The following ROBO2 variants were observed in gnomAD, a reference collection of about 807,000 sequenced individuals.
ROBO2 encodes roundabout guidance receptor 2, also known as roundabout homolog 2.
In ROBO2, 53 loss-of-function variants were observed where a neutral mutation model predicts 160.8. That is an observed-to-expected ratio of 0.33 (90% CI 0.26 to 0.41). The LOEUF is 0.41. Among genes scored for constraint, ROBO2 ranks in the 10% least tolerant of loss-of-function variants. The probability of loss-of-function intolerance (pLI) is 1.00; values close to 1 mark genes in which losing one functional copy is unlikely to be tolerated. For missense variants in ROBO2, 1,577 were observed against 1,722.4 expected (o/e 0.92, Z 1.49); for synonymous variants, 664 against 611.7 (o/e 1.09, Z -1.26).
At chr3:76,805,687 TGTGTG>T in intron 2 of ROBO2, among the ~76,000 whole-genome samples, 1 of 151,796 alleles carries the variant, frequency 6.6e-6, no homozygotes, top group Non-Finnish European at 1.5e-5. Context: ...TGTGTGTGTG[TGTGTG>T]TGTGTGAATT....
At chr3:76,606,449 A>G (rs529635563) in intron 2 of ROBO2, among the ~76,000 whole-genome samples, 2 of 152,348 alleles carry the variant, frequency 1.3e-5, no homozygotes, top group South Asian at 4.1e-4. Context: ...GCCCTGTGGA[A>G]TAGAAATAGA....
intron 2 of ROBO2, among the ~76,000 whole-genome samples, chr3:76,277,892 C>A (rs2107657885): frequency 6.6e-6 from 1 of 150,978 alleles, no homozygotes; most frequent in Non-Finnish European, 1.5e-5. Context: ...AAGTCCAAGA[C>A]ATTTTTGTTT....
At chr3:77,008,193 GA>G (rs1225138245) in intron 2 of ROBO2, among the ~76,000 whole-genome samples, 2 of 151,930 alleles carry the variant, frequency 1.3e-5, no homozygotes, top group African/African-American at 2.4e-5. Context: ...TCGGTTTCTT[GA>G]ACTTGAAATT....
chr3:77,020,239 A>T (rs1454725280), intron 2 of ROBO2, among the ~76,000 whole-genome samples: 1 of 152,212 alleles, frequency 6.6e-6, no homozygotes, highest in African/African-American at 2.4e-5. Context: ...AAATGTAAAA[A>T]TAAAGCCACA....
chr3:77,025,036 G>C (rs532274026), intron 2 of ROBO2, among the ~76,000 whole-genome samples: 1 of 151,930 alleles, frequency 6.6e-6, no homozygotes, highest in African/African-American at 2.4e-5. Context: ...TTAATTTAGT[G>C]TGCTTTCTTA....
intron 2 of ROBO2, among the ~76,000 whole-genome samples, chr3:75,947,371 C>A (rs578075270): frequency 2.0e-5 from 3 of 152,004 alleles, no homozygotes; most frequent in African/African-American, 7.2e-5. Flanking sequence ...TATTACAGCC[C>A]ATGAGCCAGA....
At chr3:77,102,849 CAAAAA>C (rs35802711) in intron 2 of ROBO2, among the ~76,000 whole-genome samples, 2 of 107,548 alleles carry the variant, frequency 1.9e-5, no homozygotes, top group Non-Finnish European at 1.9e-5. Context: ...TCTTAGTTTG[CAAAAA>C]AAAAAAAAAA....
chr3:76,555,395 A>AGAC (rs879752102), intron 2 of ROBO2, among the ~76,000 whole-genome samples: 3,234 of 76,290 alleles, frequency 0.042, 86 homozygotes, highest in Non-Finnish European at 0.083. Flanking sequence ...AAGAAGAAGA[A>AGAC]GAAGAAGAAG....
chr3:77,606,960 C>T (rs534092734), intron 20 of ROBO2, among the ~76,000 whole-genome samples: 1 of 152,102 alleles, frequency 6.6e-6, no homozygotes, highest in Non-Finnish European at 1.5e-5. Context: ...AAGGAAGAAG[C>T]TTTATCTACT....
At chr3:77,184,241 G>A (rs1014695678) in intron 2 of ROBO2, among the ~76,000 whole-genome samples, 1 of 151,976 alleles carries the variant, frequency 6.6e-6, no homozygotes, top group Admixed American at 6.6e-5. Context: ...TAAATTCTGA[G>A]ATTTGTGAAA....
intron 2 of ROBO2, among the ~76,000 whole-genome samples, chr3:77,427,509 A>C (rs2078327302): frequency 1.3e-5 from 2 of 152,202 alleles, no homozygotes; most frequent in African/African-American, 4.8e-5. Context: ...ATGTATCGTA[A>C]TTGTTATTTG....
intron 2 of ROBO2, among the ~76,000 whole-genome samples, chr3:76,321,645 G>C (rs2107890052): frequency 1.3e-5 from 2 of 152,250 alleles, no homozygotes; most frequent in South Asian, 4.1e-4. Context: ...TACATTTAGG[G>C]GACAGTCAAG....
At chr3:77,045,703 A>G (rs2064583076) in intron 1 of ROBO2, among the ~76,000 whole-genome samples, 1 of 152,212 alleles carries the variant, frequency 6.6e-6, no homozygotes, top group African/African-American at 2.4e-5. Context: ...GAATTGTGCA[A>G]CCATCACTAC....
At chr3:76,122,532 T>C (rs1386369867) in intron 2 of ROBO2, among the ~76,000 whole-genome samples, 1 of 152,168 alleles carries the variant, frequency 6.6e-6, no homozygotes, top group Non-Finnish European at 1.5e-5. Flanking sequence ...TATTGATTTT[T>C]TTCTTTGTGA....
At chr3:76,515,585 T>C (rs1176010045) in intron 2 of ROBO2, among the ~76,000 whole-genome samples, 1 of 152,142 alleles carries the variant, frequency 6.6e-6, no homozygotes, top group Admixed American at 6.6e-5. Context: ...CTCTCTATTG[T>C]GTACATTTGC....
At chr3:77,555,384 C>T (rs950163721) in intron 8 of ROBO2, among the ~76,000 whole-genome samples, 2 of 151,862 alleles carry the variant, frequency 1.3e-5, no homozygotes, top group African/African-American at 4.8e-5. Flanking sequence ...CGCTTAGACT[C>T]ATTTTCTGGA....
intron 2 of ROBO2, among the ~76,000 whole-genome samples, chr3:76,368,489 T>G (rs1054279423): frequency 2.0e-5 from 3 of 151,890 alleles, no homozygotes; most frequent in African/African-American, 4.8e-5. Flanking sequence ...CTCACAAACT[T>G]AATGCCTTGG....
At chr3:77,275,094 A>G (rs1417721657) in intron 2 of ROBO2, among the ~76,000 whole-genome samples, 1 of 152,120 alleles carries the variant, frequency 6.6e-6, no homozygotes, top group Non-Finnish European at 1.5e-5. Context: ...GAAAATGTAG[A>G]ATTTCTTATT....
intron 4 of ROBO2, among the ~76,000 whole-genome samples, chr3:77,490,250 G>A (rs1372044336): frequency 3.3e-5 from 5 of 151,660 alleles, no homozygotes; most frequent in African/African-American, 7.3e-5. Context: ...ACAGGTGCCC[G>A]CCACCGCCCC....
Sources: gnomAD v4.1 joint callset for allele counts (sites outside exome capture counted in the v4.1 genomes callset) on GRCh38, gnomAD v4.1.1 for gene constraint, MANE v1.5 for transcripts, NCBI Gene and HGNC (gene_info 2026-07-23, HGNC 2026-07-21) for gene names.